DLG5: variants seen among roughly 807,000 people sequenced by gnomAD.
DLG5 encodes discs large MAGUK scaffold protein 5.
DLG5 carries 48 observed loss-of-function variants against 189.8 expected under a neutral mutation model. The ratio of observed to expected loss-of-function variants is 0.25; its 90% CI spans 0.20 to 0.32. The LOEUF (loss-of-function observed/expected upper bound fraction) is 0.32. Ranked by LOEUF, DLG5 falls within the 10% of genes least tolerant of loss-of-function variation. The pLI is 1.00. For synonymous variants in DLG5, 1,016 were observed against 1,054.1 expected (o/e 0.96, Z 0.70); for missense variants, 2,160 against 2,544.7 (o/e 0.85, Z 3.25).
chr10:77,870,823 G>A (rs1194431176), intron 1 of DLG5, among the ~76,000 whole-genome samples: 1 of 152,150 alleles, frequency 6.6e-6, no homozygotes, highest in Non-Finnish European at 1.5e-5. Flanking sequence ...TGCACTGTAG[G>A]TGGGAGGCCC....
At chr10:77,873,031 G>GTGTGTGCGCA (rs201196944) in intron 1 of DLG5, among the ~76,000 whole-genome samples, 330 of 45,510 alleles carry the variant, frequency 7.3e-3, no homozygotes, top group African/African-American at 0.015. Context: ...GTGTGTGTGT[G>GTGTGTGCGCA]CACACACACA....
At chr10:77,816,943 C>CA in intron 19 of DLG5, 64 bp downstream of exon 19, 1 of 1,557,450 alleles carries the variant, frequency 6.4e-7, no homozygotes, top group Non-Finnish European at 8.9e-7. Context: ...AGCCCAGAGA[C>CA]TCCACCATGA....
At chr10:77,886,237 T>C (rs900921548) in intron 1 of DLG5, among the ~76,000 whole-genome samples, 2 of 152,170 alleles carry the variant, frequency 1.3e-5, no homozygotes, top group African/African-American at 4.8e-5. Context: ...AGTGGCTCAG[T>C]TGGGGAATAC....
intron 19 of DLG5, 66 bp from the exon 20 acceptor site, chr10:77,816,767 G>A: frequency 1.9e-6 from 3 of 1,557,714 alleles, no homozygotes; most frequent in Non-Finnish European, 2.6e-6. Flanking sequence ...CCAAGACCAA[G>A]AGGCAGGTGC....
intron 13 of DLG5, among the ~76,000 whole-genome samples, chr10:77,827,379 C>A (rs1172046618): frequency 6.6e-6 from 1 of 152,126 alleles, no homozygotes; most frequent in African/African-American, 2.4e-5. Flanking sequence ...GCACCCACCA[C>A]CAAGCCCGGC....
At position 77,854,273 on chromosome 10, in the gene DLG5, C is replaced by A; in HGVS notation, c.634G>T (p.Ala212Ser). The change falls in exon 4 of 32, where the codon GCC becomes TCC. Residue 212 changes from alanine to serine, a missense_variant. By Grantham distance (99) the Ala-to-Ser change is moderately conservative (BLOSUM62 1). Transcript: ENST00000372391. ...LQSLQNQHTN[A>S]LKRCEEVAKE... Reference sequence around the variant, plus strand: ...GCCACCTCCTCACACCTCTTCAAGGCGTTGGTGTGCTGGTTCTGCAGGCTC... The same window carrying A: ...GCCACCTCCTCACACCTCTTCAAGGAGTTGGTGTGCTGGTTCTGCAGGCTC... 1 of 1,614,188 alleles carries A rather than the reference C, an allele frequency of 6.2e-7. No homozygotes were observed. Among genetic ancestry groups the A allele is most frequent in the South Asian group, 1.1e-5 (1 of 91,086 alleles).
chr10:77,905,854 T>C (rs150977818), intron 1 of DLG5, among the ~76,000 whole-genome samples: 1 of 152,368 alleles, frequency 6.6e-6, no homozygotes, highest in Non-Finnish European at 1.5e-5. Context: ...AATCTGTTCA[T>C]ATTCTTGCAA....
At chr10:77,831,689 G>T (rs1842903038) in intron 9 of DLG5, among the ~76,000 whole-genome samples, 1 of 152,170 alleles carries the variant, frequency 6.6e-6, no homozygotes, top group African/African-American at 2.4e-5. Context: ...AACAGAGGAA[G>T]GACAGCCTCC....
At chr10:77,905,514 C>G (rs144202485) in intron 1 of DLG5, among the ~76,000 whole-genome samples, 1 of 152,210 alleles carries the variant, frequency 6.6e-6, no homozygotes, top group African/African-American at 2.4e-5. Context: ...CTTGTCCCTA[C>G]GTTAAAAACA....
chr10:77,823,102 C>T (rs1388701428), intron 14 of DLG5, among the ~76,000 whole-genome samples: 4 of 152,138 alleles, frequency 2.6e-5, no homozygotes, highest in African/African-American at 9.7e-5. Flanking sequence ...CTAATTATAA[C>T]GCATGTACTA....
At chr10:77,884,491 C>T (rs756854527) in intron 1 of DLG5, among the ~76,000 whole-genome samples, 16 of 152,010 alleles carry the variant, frequency 1.1e-4, no homozygotes, top group Non-Finnish European at 1.6e-4. Context: ...ATCTCATCCC[C>T]GGAGCACATT....
intron 23 of DLG5, among the ~76,000 whole-genome samples, chr10:77,810,265 A>G (rs1442334075): frequency 6.6e-6 from 1 of 152,230 alleles, no homozygotes; most frequent in Non-Finnish European, 1.5e-5. Flanking sequence ...GAGATGGGAC[A>G]GCGATGGAAA....
intron 9 of DLG5, among the ~76,000 whole-genome samples, chr10:77,832,162 T>A (rs1842920030): frequency 6.6e-6 from 1 of 152,108 alleles, no homozygotes; most frequent in Non-Finnish European, 1.5e-5. Context: ...AAGCAAAGAC[T>A]ATACCACTGC....
intron 1 of DLG5, among the ~76,000 whole-genome samples, chr10:77,883,501 G>C (rs1463987510): frequency 6.6e-6 from 1 of 151,982 alleles, no homozygotes. Flanking sequence ...GTCCACTCCA[G>C]AGTCACACCA....
At chr10:77,848,458 A>C (rs1843798823) in intron 5 of DLG5, among the ~76,000 whole-genome samples, 1 of 152,208 alleles carries the variant, frequency 6.6e-6, no homozygotes, top group African/African-American at 2.4e-5. Flanking sequence ...AGCAGGACCT[A>C]GGAGAACATG....
the DLG5 span, among the ~76,000 whole-genome samples, chr10:77,933,267 G>T: frequency 1.3e-5 from 2 of 151,538 alleles, no homozygotes; most frequent in African/African-American, 4.8e-5. Context: ...GTTTTTGTTT[G>T]GGTTTTTGTT....
intron 1 of DLG5, among the ~76,000 whole-genome samples, chr10:77,884,148 A>G (rs1845367802): frequency 6.6e-6 from 1 of 152,178 alleles, no homozygotes; most frequent in South Asian, 2.1e-4. Flanking sequence ...TGCATCCTAG[A>G]AGGCAATGGG....
chr10:77,899,069 G>A (rs1845848144), intron 1 of DLG5, among the ~76,000 whole-genome samples: 1 of 152,154 alleles, frequency 6.6e-6, no homozygotes, highest in Admixed American at 6.5e-5. Context: ...CCACATCTGT[G>A]CCCTCCTGCA....
intron 5 of DLG5, among the ~76,000 whole-genome samples, chr10:77,844,007 G>A (rs1371307114): frequency 2.6e-5 from 4 of 152,166 alleles, no homozygotes; most frequent in East Asian, 3.8e-4. Flanking sequence ...TGACCCTACC[G>A]AATGGCGTCT....
Sources: allele counts gnomAD v4.1 joint callset (sites outside exome capture counted in the v4.1 genomes callset), GRCh38; gene constraint gnomAD v4.1.1; transcripts MANE v1.5; gene names NCBI Gene and HGNC (gene_info 2026-07-23, HGNC 2026-07-21).